Variants in HERC3 observed in about 807,000 individuals in gnomAD.
The protein encoded by HERC3 is probable E3 ubiquitin-protein ligase HERC3.
Under a neutral mutation model 129.9 loss-of-function variants are expected in HERC3, and 58 were observed. That is an observed-to-expected ratio of 0.45 (90% CI 0.36 to 0.56). The LOEUF (loss-of-function observed/expected upper bound fraction) is 0.56. Ranked by LOEUF, HERC3 falls within the 20% of genes least tolerant of loss-of-function variation. The pLI, the probability that HERC3 is intolerant of heterozygous loss-of-function variation, is 0.00. For synonymous variants in HERC3, 430 were observed against 451.0 expected (o/e 0.95, Z 0.59); for missense variants, 835 against 1,244.2 (o/e 0.67, Z 4.95).
chr4:88,623,111 A>G (rs532830639), intron 3 of HERC3, among the ~76,000 whole-genome samples: 1 of 152,318 alleles, frequency 6.6e-6, no homozygotes, highest in East Asian at 1.9e-4. Flanking sequence ...TGTATAAGCT[A>G]GTTTCTTATG....
chr4:88,590,474 G>A (rs927751076), upstream of HERC3, among the ~76,000 whole-genome samples: 1 of 152,120 alleles, frequency 6.6e-6, no homozygotes, highest in Non-Finnish European at 1.5e-5. Flanking sequence ...CAGGAGACTT[G>A]CGTGAATCCG....
At chr4:88,695,684 A>G (rs1398825022) in intron 23 of HERC3, among the ~76,000 whole-genome samples, 1 of 152,204 alleles carries the variant, frequency 6.6e-6, no homozygotes, top group Non-Finnish European at 1.5e-5. Flanking sequence ...ATAATAGCTA[A>G]GAATTATTCA....
At chr4:88,634,068 G>GTT (rs1578207754) in intron 3 of HERC3, among the ~76,000 whole-genome samples, 1 of 152,210 alleles carries the variant, frequency 6.6e-6, no homozygotes, top group Admixed American at 6.5e-5. Flanking sequence ...CAGCCGGCAT[G>GTT]ACCCACGGAG....
At chr4:88,655,651 T>C (rs2282591) in intron 8 of HERC3, among the ~76,000 whole-genome samples, 16,205 of 152,136 alleles carry the variant, frequency 0.11, 1,550 homozygotes, top group East Asian at 0.29. Flanking sequence ...CCACATGCAG[T>C]AGATCATTCA....
chr4:88,670,366 A>C, intron 16 of HERC3, 114 bp downstream of exon 16: 1 of 704,696 alleles, frequency 1.4e-6, no homozygotes, highest in Non-Finnish European at 2.4e-6. Flanking sequence ...TTCTTCATCC[A>C]GCTGGCCTTT....
intron 3 of HERC3, among the ~76,000 whole-genome samples, chr4:88,635,122 G>C (rs1012564610): frequency 6.6e-6 from 1 of 152,054 alleles, no homozygotes; most frequent in Non-Finnish European, 1.5e-5. Context: ...CACCTCTCCA[G>C]CAAGGGCGCA....
chr4:88,632,450 T>C (rs1462276269), intron 3 of HERC3, among the ~76,000 whole-genome samples: 2 of 152,254 alleles, frequency 1.3e-5, no homozygotes, highest in African/African-American at 2.4e-5. Flanking sequence ...AGACAATGGA[T>C]GCCAATGTGG....
intron 3 of HERC3, among the ~76,000 whole-genome samples, chr4:88,626,538 A>T (rs2924929): frequency 0.051 from 7,795 of 152,220 alleles, 533 homozygotes; most frequent in East Asian, 0.27. Context: ...ATATAAGGTG[A>T]CATTTTGATA....
chr4:88,625,745 G>A (rs1283393347), intron 3 of HERC3, among the ~76,000 whole-genome samples: 4 of 152,158 alleles, frequency 2.6e-5, no homozygotes, highest in African/African-American at 7.2e-5. Flanking sequence ...GAATAGGAAA[G>A]CATTCATCTT....
At chr4:88,644,239 T>A (rs894488777) in intron 3 of HERC3, among the ~76,000 whole-genome samples, 28 of 152,334 alleles carry the variant, frequency 1.8e-4, no homozygotes, top group Non-Finnish European at 2.9e-4. Context: ...TTCTTTTTTT[T>A]AAATAAACAT....
chr4:88,547,765 T>C, the HERC3 span, among the ~76,000 whole-genome samples: 1 of 152,170 alleles, frequency 6.6e-6, no homozygotes, highest in Non-Finnish European at 1.5e-5. Context: ...AAGCCATTCA[T>C]GTGCCTCAGC....
chr4:88,606,253 CT>C (rs558927566), intron 3 of HERC3, among the ~76,000 whole-genome samples: 20,742 of 135,224 alleles, frequency 0.15, 3,065 homozygotes, highest in African/African-American at 0.41. Flanking sequence ...CTTTTCTTTT[CT>C]TTTTTTTTTT....
chr4:88,681,687 TG>T (rs1382052632), intron 21 of HERC3, among the ~76,000 whole-genome samples: 1 of 152,164 alleles, frequency 6.6e-6, no homozygotes, highest in African/African-American at 2.4e-5. Context: ...TTAATTAAAC[TG>T]TTTTTGTTGT....
the HERC3 span, among the ~76,000 whole-genome samples, chr4:88,531,182 TAAATTTTTAAAATTTA>T: frequency 6.6e-6 from 1 of 151,408 alleles, no homozygotes; most frequent in African/African-American, 2.4e-5. Flanking sequence ...AAAAATTTTT[TAAATTTTTAAAATTTA>T]AAATTTTTTT....
intron 19 of HERC3, among the ~76,000 whole-genome samples, chr4:88,678,998 G>C (rs150221787): frequency 6.6e-6 from 1 of 152,230 alleles, no homozygotes; most frequent in East Asian, 1.9e-4. Flanking sequence ...GTGTAATCCA[G>C]GTCCCAGTCT....
At position 88,647,808 on chromosome 4, in the gene HERC3, C is replaced by CTT. The variant is rs201939681; in HGVS notation, c.227-2018_227-2017dup. 5.6e-3 allele frequency among the ~76,000 whole-genome samples: 753 copies of CTT among 135,352 alleles called. 4 individuals are homozygous for CTT. Among genetic ancestry groups the CTT allele is most frequent in the African/African-American group, 0.012 (432 of 36,802 alleles). The allele number at this position is 135,352 out of a possible 152,430, so 88.8% of individuals were successfully genotyped here. A position where few individuals can be genotyped will look rare whatever the true frequency, so the allele number is the denominator to read the frequency against. On this transcript the variant is annotated intron_variant, in intron 3 of 25. Coordinates refer to ENST00000402738, the MANE Select transcript of HERC3 (RefSeq NM_014606.3). ...ACTCCCTATCATTTCAACTCTTTAG[C>CTT]TTTTTTTTTTTTTTTGCTGCTTACC... is the stretch of plus-strand genomic sequence containing the variant.
chr4:88,671,148 A>G (rs1213202752), intron 16 of HERC3, among the ~76,000 whole-genome samples: 1 of 152,110 alleles, frequency 6.6e-6, no homozygotes, highest in Non-Finnish European at 1.5e-5. Context: ...AGCTTGGGAT[A>G]TATGCAAGGC....
At chr4:88,554,011 G>A in the HERC3 span, among the ~76,000 whole-genome samples, 2 of 152,154 alleles carry the variant, frequency 1.3e-5, no homozygotes, top group Non-Finnish European at 2.9e-5. Context: ...AAAGAAGACC[G>A]TTGGGCAGAA....
chr4:88,685,186 C>T (rs1012060915), intron 21 of HERC3, among the ~76,000 whole-genome samples: 2 of 152,136 alleles, frequency 1.3e-5, no homozygotes, highest in African/African-American at 2.4e-5. Context: ...GACAGTGTGG[C>T]GATTCCACAG....
Sources: allele counts gnomAD v4.1 joint callset (sites outside exome capture counted in the v4.1 genomes callset), GRCh38; gene constraint gnomAD v4.1.1; transcripts MANE v1.5; gene names NCBI Gene and HGNC (gene_info 2026-07-23, HGNC 2026-07-21).